The following GDAP1 variants were observed in gnomAD, a reference collection of about 807,000 sequenced individuals.
GDAP1 encodes ganglioside induced differentiation associated protein 1.
A neutral mutation model predicts 40.1 loss-of-function variants in GDAP1; 34 were observed. That is an observed-to-expected ratio of 0.85 (90% CI 0.64 to 1.13). The LOEUF (loss-of-function observed/expected upper bound fraction) is 1.13, where lower values mean the gene tolerates loss of function less well. Ranked by LOEUF, GDAP1 falls within the 50% of genes most tolerant of loss-of-function variation. The probability of loss-of-function intolerance (pLI) is 0.00; values close to 1 mark genes in which losing one functional copy is unlikely to be tolerated. For synonymous variants in GDAP1, 170 were observed against 157.4 expected (o/e 1.08, Z -0.60); for missense variants, 374 against 433.7 (o/e 0.86, Z 1.22).
At chr8:74,393,924 T>A (rs757111698) in intron 2 of GDAP1, among the ~76,000 whole-genome samples, 2 of 152,188 alleles carry the variant, frequency 1.3e-5, no homozygotes, top group African/African-American at 2.4e-5. Context: ...TATTTTCCCC[T>A]GTTTTATACC....
In GDAP1 at chr8:74,366,272, A is replaced by G. The variant is rs185710169; in HGVS notation, c.*1905A>G. ...GCTTTTAAGGTGTTTGTTTAGGGAT[A>G]CAATGACCACTAGATGTCGCTGTTT... is the stretch of plus-strand genomic sequence containing the variant. On this transcript the variant is annotated 3_prime_UTR_variant, in exon 6 of 6. Transcript: ENST00000220822. The G allele has an allele frequency of 1.8e-4, 81 of 454,492 alleles. No homozygotes were observed. In the East Asian group the frequency reaches 4.5e-3, roughly 25 times the overall value. The allele number at this position is 454,492 out of a possible 1,614,324, so 28.2% of individuals were successfully genotyped here. A position where few individuals can be genotyped will look rare whatever the true frequency, so the allele number is the denominator to read the frequency against.
intron 2 of GDAP1, among the ~76,000 whole-genome samples, chr8:74,463,204 CA>C (rs1459298546): frequency 7.0e-6 from 1 of 142,034 alleles, no homozygotes; most frequent in Non-Finnish European, 1.5e-5. Context: ...ATAATCCCAG[CA>C]CTTTGGGAGG....
At chr8:74,350,683 C>T (rs1808814049) in intron 1 of GDAP1, 105 bp downstream of exon 1, 1 of 822,746 alleles carries the variant, frequency 1.2e-6, no homozygotes, top group Non-Finnish European at 2.1e-6. Context: ...AGAAATCCGC[C>T]TCCAGTGTCC....
rs543657230 is a variant in GDAP1, at chr8:74,374,485, C to A, written c.165+23164C>A. On this transcript the variant is annotated intron_variant, in intron 2 of 2. Transcript: ENST00000523640. Reference sequence around the variant, plus strand: ...AAATTAAACCCAAAACAAGTTTCAACCCAAAATAAGTAGAAGGAAAAAAAA... The same window carrying A: ...AAATTAAACCCAAAACAAGTTTCAAACCAAAATAAGTAGAAGGAAAAAAAA... Among the ~76,000 whole-genome samples, 8 of 151,354 alleles carry A rather than the reference C, an allele frequency of 5.3e-5. No homozygotes were observed. The South Asian group carries it at 1.7e-3, about 32-fold the overall frequency.
In GDAP1 at chr8:74,450,904, T is replaced by G. The variant is rs1806292354; in HGVS notation, c.166-37774T>G. On this transcript the variant is annotated intron_variant, in intron 2 of 2. Coordinates refer to the GDAP1 transcript ENST00000523640. ...GCATTCTATTTAATTATTAAATTTA[T>G]TTTAATTATAACTATTTAAAAATAT... 2.5e-5 allele frequency among the ~76,000 whole-genome samples: 2 copies of G among 81,418 alleles called. 1 individual carries two copies. Among genetic ancestry groups the G allele is most frequent in the Admixed American group, 2.5e-4 (2 of 7,888 alleles). 53.4% of individuals were successfully genotyped at this position (81,418 alleles called of 152,430 possible).
At chr8:74,391,788 C>A (rs1045005306) in intron 2 of GDAP1, among the ~76,000 whole-genome samples, 1 of 152,104 alleles carries the variant, frequency 6.6e-6, no homozygotes, top group Non-Finnish European at 1.5e-5. Context: ...CTGTTACATT[C>A]ACATATTTAT....
chr8:74,467,749 G>T (rs1223586456), intron 2 of GDAP1, among the ~76,000 whole-genome samples: 1 of 152,176 alleles, frequency 6.6e-6, no homozygotes. Context: ...GGGAGGTCAA[G>T]GAACTGTAGA....
At position 74,365,225 on chromosome 8, in the gene GDAP1, G is replaced by A. The variant is rs761964880; in HGVS notation, c.*858G>A. The A allele has an allele frequency of 2.2e-4, 101 of 454,088 alleles. 1 individual carries two copies. Among genetic ancestry groups the A allele is most frequent in the Middle Eastern group, 2.1e-3 (3 of 1,444 alleles). 28.1% of individuals were successfully genotyped at this position (454,088 alleles called of 1,614,324 possible). A position where few individuals can be genotyped will look rare whatever the true frequency, so the allele number is the denominator to read the frequency against. On this transcript the variant is annotated 3_prime_UTR_variant, in exon 6 of 6. Transcript: ENST00000220822. ...GGAGCACCAAATATGTTCATTCTTC[G>A]TTTGGGGAGGCTGGTCTGTAAACAC...
intron 2 of GDAP1, among the ~76,000 whole-genome samples, chr8:74,352,652 C>T (rs1009589666): frequency 2.6e-5 from 4 of 152,182 alleles, no homozygotes; most frequent in Admixed American, 6.5e-5. Context: ...GTAGCTTTAG[C>T]GTAAACCAAA....
chr8:74,405,422 G>A (rs1462188997), intron 2 of GDAP1, among the ~76,000 whole-genome samples: 1 of 150,158 alleles, frequency 6.7e-6, no homozygotes, highest in Non-Finnish European at 1.5e-5. Flanking sequence ...TACGTGTTCA[G>A]TGTAGACAAA....
At chr8:74,418,299 A>G (rs186125827) in intron 2 of GDAP1, among the ~76,000 whole-genome samples, 106 of 152,350 alleles carry the variant, frequency 7.0e-4, no homozygotes, top group African/African-American at 2.5e-3. Context: ...CCACAAAGCT[A>G]CAGTATTCAA....
intron 2 of GDAP1, among the ~76,000 whole-genome samples, chr8:74,422,041 G>A (rs1018299585): frequency 5.9e-5 from 9 of 152,198 alleles, no homozygotes; most frequent in African/African-American, 1.7e-4. Context: ...TCCATTTAAG[G>A]AGACAGGTTA....
intron 2 of GDAP1, among the ~76,000 whole-genome samples, chr8:74,445,302 A>G (rs990698878): frequency 1.3e-5 from 2 of 152,198 alleles, no homozygotes; most frequent in Non-Finnish European, 2.9e-5. Flanking sequence ...TGCATCTTTT[A>G]TAACCTTCTA....
chr8:74,415,705 T>G (rs762934930), intron 2 of GDAP1, among the ~76,000 whole-genome samples: 20 of 149,906 alleles, frequency 1.3e-4, no homozygotes, highest in Non-Finnish European at 1.6e-4. Flanking sequence ...AGGGGTGTGC[T>G]CTGCATGCAC....
At chr8:74,486,348 G>A (rs527506981) in intron 2 of GDAP1, among the ~76,000 whole-genome samples, 116 of 152,246 alleles carry the variant, frequency 7.6e-4, no homozygotes, top group African/African-American at 2.7e-3. Flanking sequence ...CTATTTTGCT[G>A]CCTTTGCTGC....
At chr8:74,459,450 A>G (rs1029929580) in intron 2 of GDAP1, among the ~76,000 whole-genome samples, 4 of 152,180 alleles carry the variant, frequency 2.6e-5, no homozygotes, top group African/African-American at 7.2e-5. Flanking sequence ...TAGTAATTCT[A>G]TAGATCTAGT....
chr8:74,407,916 CTTTT>C (rs1483121543), intron 2 of GDAP1, among the ~76,000 whole-genome samples: 2 of 149,754 alleles, frequency 1.3e-5, no homozygotes, highest in African/African-American at 2.6e-5. Flanking sequence ...TTTACTTCTT[CTTTT>C]AATTTTTTTT....
In GDAP1 at chr8:74,454,132, G is replaced by C. The variant is rs1806311607; in HGVS notation, c.166-34546G>C. Among the ~76,000 whole-genome samples, 2 of 83,258 alleles carry C rather than the reference G, an allele frequency of 2.4e-5. 1 individual carries two copies. The highest frequency in any genetic ancestry group is 1.1e-3 in the South Asian group (2 of 1,812). The allele number at this position is 83,258 out of a possible 152,430, so 54.6% of individuals were successfully genotyped here. ...AATGTCTAGTGAGTTTTGGGTCTGTGGTTAAACTTTTTTATAAGGGTTGGA... is the reference window on the plus strand; with the variant it reads ...AATGTCTAGTGAGTTTTGGGTCTGTCGTTAAACTTTTTTATAAGGGTTGGA... On this transcript the variant is annotated intron_variant, in intron 2 of 2. Transcript: ENST00000523640.
intron 2 of GDAP1, among the ~76,000 whole-genome samples, chr8:74,358,744 A>T (rs917467824): frequency 2.0e-5 from 3 of 152,204 alleles, no homozygotes; most frequent in African/African-American, 7.2e-5. Flanking sequence ...CTCAGACCAT[A>T]GTGTGAGAAC....
Sources: allele counts gnomAD v4.1 joint callset (sites outside exome capture counted in the v4.1 genomes callset), GRCh38; gene constraint gnomAD v4.1.1; transcripts MANE v1.5; gene names NCBI Gene and HGNC (gene_info 2026-07-23, HGNC 2026-07-21).